Variants in GZMM observed in about 807,000 individuals in gnomAD.
The protein encoded by GZMM is HU-Met-1.
GZMM carries 23 observed loss-of-function variants against 19.2 expected under a neutral mutation model. The ratio of observed to expected loss-of-function variants is 1.20; its 90% CI spans 0.86 to 1.69. GZMM has a LOEUF of 1.69. GZMM is among the 40% of genes most tolerant of loss of function. GZMM has a pLI of 0.00. For synonymous variants in GZMM, 178 were observed against 160.2 expected (o/e 1.11, Z -0.84); for missense variants, 373 against 352.2 (o/e 1.06, Z -0.47).
chr19:547,849 C>T (rs895849917), intron 2 of GZMM, among the ~76,000 whole-genome samples: 3 of 152,140 alleles, frequency 2.0e-5, no homozygotes, highest in African/African-American at 4.8e-5. Context: ...GAGAGTGGCT[C>T]GGGAATCGAC....
intron 2 of GZMM, among the ~76,000 whole-genome samples, chr19:548,244 G>A (rs142664402): frequency 7.3e-4 from 111 of 152,294 alleles, no homozygotes; most frequent in African/African-American, 2.5e-3. Flanking sequence ...CCAAGTGAAG[G>A]GAATTCCCAG....
intron 3 of GZMM, 30 bp from the exon 4 acceptor site, chr19:548,891 CT>C (rs771322793): frequency 2.3e-5 from 34 of 1,492,420 alleles, no homozygotes; most frequent in Non-Finnish European, 3.0e-5. Context: ...CCCCCTCCCC[CT>C]GCTCACCTGC....
chr19:549,906 A>C lies in GZMM; in HGVS notation c.*115A>C. On this transcript the variant is annotated 3_prime_UTR_variant, in exon 5 of 5. Coordinates refer to ENST00000264553, the MANE Select transcript of GZMM (RefSeq NM_005317.4). ...GACAGGGAGGGACCAATAAATCATA[A>C]TGAAGAAACGCTCAGAGCCCGCCTG... 1.6e-5 allele frequency: 13 copies of C among 804,798 alleles called. No homozygotes were observed. Among genetic ancestry groups the C allele is most frequent in the East Asian group, 2.7e-5 (1 of 37,560 alleles). The allele number at this position is 804,798 out of a possible 1,614,324, so 49.9% of individuals were successfully genotyped here.
At chr19:547,617 C>T (rs904551152) in intron 2 of GZMM, among the ~76,000 whole-genome samples, 181 bp downstream of exon 2, 5 of 152,226 alleles carry the variant, frequency 3.3e-5, no homozygotes, top group East Asian at 3.8e-4. Context: ...AGGTTTACTC[C>T]TTGCAAGAGG....
In GZMM at chr19:547,376, G is replaced by A. The variant is rs746140221; in HGVS notation, c.152G>A (p.Cys51Tyr). The A allele has an allele frequency of 1.3e-6, 2 of 1,557,480 alleles. No homozygotes were observed. The highest frequency in any genetic ancestry group is 2.5e-5 in the East Asian group (1 of 39,830). Residue 51 changes from cysteine (C) to tyrosine (Y), a missense_variant, in exon 2 of 5, where the codon TGC (cysteine) becomes TAC (tyrosine). Physicochemically the swap from Cys to Tyr is radical, Grantham distance 194 (BLOSUM62 -2). Transcript: ENST00000264553. ...ASLQRNGSHL[C>Y]GGVLVHPKWV... ...CTGCAGAGAAATGGCTCCCACCTGT[G>A]CGGGGGTGTCCTGGTGCACCCAAAG...
chr19:548,871 C>CG, intron 3 of GZMM, 51 bp from the exon 4 acceptor site: 1 of 1,150,420 alleles, frequency 8.7e-7, no homozygotes, highest in Non-Finnish European at 1.2e-6. Flanking sequence ...CCCCCGCCCC[C>CG]GCACTCTCAC....
Position 544,663 on chromosome 19 carries a change from ATCCTTCCTCCCATTTTTATT to A in GZMM, c.55+545_55+564del, listed in dbSNP as rs1980188827. Among the ~76,000 whole-genome samples the A allele has an allele frequency of 2.0e-5, 3 of 151,554 alleles. No individual in the cohort carries two copies. In the South Asian group the frequency reaches 6.3e-4, roughly 32 times the overall value. On this transcript the variant is annotated intron_variant, in intron 1 of 4. Coordinates refer to ENST00000264553, the MANE Select transcript of GZMM (RefSeq NM_005317.4). ...AGGAATCCAGCCGTCAGTCATCATC[ATCCTTCCTCCCATTTTTATT>A]TCCTTCCACCCATGGGTCCATCATC...
chr19:547,530 C>G (rs1980336541), intron 2 of GZMM, 94 bp downstream of exon 2: 1 of 1,006,400 alleles, frequency 9.9e-7, no homozygotes, highest in East Asian at 3.1e-5. Flanking sequence ...GATTTAGGCC[C>G]ATTGTGGGAC....
chr19:548,721 C>T lies in GZMM; in HGVS notation c.348+44C>T, dbSNP rs750141054. 15 of 1,590,376 alleles carry T rather than the reference C, an allele frequency of 9.4e-6. No individual in the cohort carries two copies. The Admixed American group carries it at 2.2e-4, about 23-fold the overall frequency. On this transcript the variant is annotated intron_variant, in intron 3 of 4. Transcript: ENST00000264553. ...GGGAGAACTGGGCACCCTCCTGTCC[C>T]CCACGGGTGCCCCTCACCCCCACTG...
At chr19:545,936 C>T (rs889178676) in intron 1 of GZMM, among the ~76,000 whole-genome samples, 2 of 152,034 alleles carry the variant, frequency 1.3e-5, no homozygotes, top group Non-Finnish European at 2.9e-5. Context: ...AGCCACCGCA[C>T]CCGGCCTTAA....
At chr19:548,336 T>C (rs908428672) in intron 2 of GZMM, among the ~76,000 whole-genome samples, 1 of 151,984 alleles carries the variant, frequency 6.6e-6, no homozygotes, top group Non-Finnish European at 1.5e-5. Flanking sequence ...CGGGCAGAAG[T>C]CTGGGGCAGG....
At chr19:548,811 TCCC>T (rs1410460661) in intron 3 of GZMM, 108 bp from the exon 4 acceptor site, 2 of 201,920 alleles carry the variant, frequency 9.9e-6, no homozygotes, top group Non-Finnish European at 1.8e-5. Flanking sequence ...TACTGCCCCC[TCCC>T]CCATTGCCCA....
chr19:549,422 C>T (rs1350986729), intron 4 of GZMM, among the ~76,000 whole-genome samples: 7 of 152,236 alleles, frequency 4.6e-5, no homozygotes, highest in Non-Finnish European at 1.5e-5. Flanking sequence ...GACTTCTGCT[C>T]CAGCCAAGAC....
In GZMM at chr19:544,164, C is replaced by G; in HGVS notation, c.55+38C>G. 3 of 1,523,072 alleles carry G rather than the reference C, an allele frequency of 2.0e-6. No individual in the cohort carries two copies. In the East Asian group the frequency reaches 7.3e-5, roughly 37 times the overall value. 94.3% of individuals were successfully genotyped at this position (1,523,072 alleles called of 1,614,324 possible). A position where few individuals can be genotyped will look rare whatever the true frequency, so the allele number is the denominator to read the frequency against. Reference sequence around the variant, plus strand: ...CGGGATGCAGGGGGGACACTGAGGCCCAGCGCTCTCGGTGGGTCCCTGGAT... The same window carrying G: ...CGGGATGCAGGGGGGACACTGAGGCGCAGCGCTCTCGGTGGGTCCCTGGAT... On this transcript the variant is annotated intron_variant, in intron 1 of 4. Coordinates refer to ENST00000264553, the MANE Select transcript of GZMM (RefSeq NM_005317.4).
At chr19:545,176 C>G (rs995131234) in intron 1 of GZMM, among the ~76,000 whole-genome samples, 2 of 148,998 alleles carry the variant, frequency 1.3e-5, no homozygotes, top group African/African-American at 5.0e-5. Flanking sequence ...GCCTGCCCTC[C>G]TGTCTGACTG....
At position 544,113 on chromosome 19, in the gene GZMM, G is replaced by A. The variant is rs1202181428; in HGVS notation, c.42G>A (p.Gly14=). 9.1e-6 allele frequency: 14 copies of A among 1,545,428 alleles called. No homozygotes were observed. The Admixed American group carries it at 2.2e-4, about 24-fold the overall frequency. Residue 14 remains glycine (G), a synonymous_variant, in exon 1 of 5, where the codon GGG becomes GGA. Transcript: ENST00000264553. ...CTTCACTGCTGGTGCTGGCCCTGGG[G>A]GCCCTGTCAGTAGGTGAGTGGGAGC... ...CVSSLLVLAL[G]ALSVGSSFGT... is the part of the protein sequence containing the mutation.
Position 549,199 on chromosome 19 carries a change from G to T in GZMM, c.612+14G>T. ...GCTCCCTGCAAGGTGAGGGGCGCCC[G>T]GGTGGGGCTGGGGGAATGAGGCTGG... On this transcript the variant is annotated intron_variant, in intron 4 of 4. Transcript: ENST00000264553. 1.9e-6 allele frequency: 3 copies of T among 1,557,380 alleles called. No homozygotes were observed. The highest frequency in any genetic ancestry group is 2.6e-6 in the Non-Finnish European group (3 of 1,150,206).
At position 547,135 on chromosome 19, in the gene GZMM, C is replaced by T. The variant is rs900252822; in HGVS notation, c.56-145C>T. ...ATGAAGGGCAGCCCACACGTATCAG[C>T]CTAAAAGTTTCGGGGAACACTGGGG... On this transcript the variant is annotated intron_variant, in intron 1 of 4. Coordinates refer to ENST00000264553, the MANE Select transcript of GZMM (RefSeq NM_005317.4). 6 of 650,286 alleles carry T rather than the reference C, an allele frequency of 9.2e-6. No individual in the cohort carries two copies. In the Admixed American group the frequency reaches 1.0e-4, roughly 11 times the overall value. The allele number at this position is 650,286 out of a possible 1,614,324, so 40.3% of individuals were successfully genotyped here.
chr19:544,283 C>T (rs1382087708), intron 1 of GZMM, among the ~76,000 whole-genome samples, 157 bp downstream of exon 1: 1 of 152,150 alleles, frequency 6.6e-6, no homozygotes. Flanking sequence ...ATCCCGAGCT[C>T]CTCACGCTTC....
Sources: allele counts gnomAD v4.1 joint callset (sites outside exome capture counted in the v4.1 genomes callset), GRCh38; gene constraint gnomAD v4.1.1; transcripts MANE v1.5; gene names NCBI Gene and HGNC (gene_info 2026-07-23, HGNC 2026-07-21).